The following CDH18 variants were observed in gnomAD, a reference collection of about 807,000 sequenced individuals.
CDH18 encodes the protein cadherin 18.
In CDH18, 31 loss-of-function variants were observed where a neutral mutation model predicts 67.9. The observed-to-expected ratio is 0.46, with a 90% CI of 0.34 to 0.62. CDH18 has a LOEUF of 0.62. CDH18 is among the 20% of genes least tolerant of loss of function. CDH18 has a pLI of 0.01. For missense variants in CDH18, 890 were observed against 975.5 expected, an observed-to-expected ratio of 0.91 and a Z score of 1.17; for synonymous variants, 362 against 347.2, an observed-to-expected ratio of 1.04 and a Z score of -0.48.
chr5:20,305,009 T>C (rs1338092452), intron 1 of CDH18: 2 of 1,613,654 alleles, frequency 1.2e-6, no homozygotes, highest in Admixed American at 1.7e-5. Context: ...CAAGCTTTAC[T>C]GGAAGCAAGG....
At chr5:20,440,449 G>C (rs1749522842) in intron 1 of CDH18, among the ~76,000 whole-genome samples, 1 of 151,804 alleles carries the variant, frequency 6.6e-6, no homozygotes, top group Non-Finnish European at 1.5e-5. Flanking sequence ...ACTTCAAAGA[G>C]TTTGCCTAAA....
At chr5:19,602,733 G>A (rs1003988770) in intron 6 of CDH18, among the ~76,000 whole-genome samples, 1 of 151,982 alleles carries the variant, frequency 6.6e-6, no homozygotes, top group Non-Finnish European at 1.5e-5. Context: ...GGTGGCCAAG[G>A]CAGGTGGATC....
intron 1 of CDH18, among the ~76,000 whole-genome samples, chr5:20,400,095 A>G (rs545475297): frequency 6.6e-6 from 1 of 152,338 alleles, no homozygotes; most frequent in South Asian, 2.1e-4. Context: ...ATTGGTGGTC[A>G]CCATGTTTGA....
intron 2 of CDH18, among the ~76,000 whole-genome samples, chr5:19,918,851 T>C (rs1395559445): frequency 6.6e-6 from 1 of 152,088 alleles, no homozygotes. Flanking sequence ...AAGCGTGTCT[T>C]TTATAATTTA....
intron 2 of CDH18, among the ~76,000 whole-genome samples, chr5:19,877,296 G>A (rs1251229692): frequency 5.3e-5 from 8 of 152,112 alleles, no homozygotes; most frequent in Admixed American, 5.2e-4. Flanking sequence ...GGCAATACTG[G>A]AAAAATCTTC....
intron 5 of CDH18, among the ~76,000 whole-genome samples, chr5:19,684,237 C>T (rs1261524110): frequency 2.0e-5 from 3 of 151,918 alleles, no homozygotes; most frequent in Non-Finnish European, 4.4e-5. Flanking sequence ...CTGCATTTCA[C>T]ACAAATATCT....
chr5:20,236,665 C>T lies in CDH18; in HGVS notation c.-518+18779G>A, dbSNP rs1213308461. On this transcript the variant is annotated intron_variant, in intron 2 of 14. Transcript: ENST00000507958. ...GAAGAAATCAAGGAATTTAACGTCC[C>T]AATATCTATTAAACAAATTGAATTT... Among the ~76,000 whole-genome samples the T allele has an allele frequency of 2.0e-5, 3 of 151,878 alleles. No individual in the cohort carries two copies. In the East Asian group the frequency reaches 5.8e-4, roughly 29 times the overall value.
chr5:19,815,164 T>C (rs1420968363), intron 3 of CDH18, among the ~76,000 whole-genome samples: 1 of 151,972 alleles, frequency 6.6e-6, no homozygotes, highest in Non-Finnish European at 1.5e-5. Flanking sequence ...CTGCATCCAG[T>C]TTGTTGGAGG....
chr5:20,368,950 T>A (rs1209942949), intron 1 of CDH18, among the ~76,000 whole-genome samples: 3 of 152,220 alleles, frequency 2.0e-5, no homozygotes. Flanking sequence ...AAGTCCATAT[T>A]CAGTAAGGAC....
chr5:20,357,447 A>C (rs1741726117), intron 1 of CDH18, among the ~76,000 whole-genome samples: 1 of 152,222 alleles, frequency 6.6e-6, no homozygotes, highest in Non-Finnish European at 1.5e-5. Flanking sequence ...TATCATTATT[A>C]GATAACAAAA....
chr5:20,234,539 C>A (rs184532349), intron 2 of CDH18, among the ~76,000 whole-genome samples: 4 of 152,190 alleles, frequency 2.6e-5, no homozygotes, highest in Admixed American at 2.6e-4. Context: ...TGATGGCCAT[C>A]TGTAAACCAG....
chr5:20,037,704 G>A (rs1450440195), intron 2 of CDH18, among the ~76,000 whole-genome samples: 1 of 152,130 alleles, frequency 6.6e-6, no homozygotes, highest in Non-Finnish European at 1.5e-5. Flanking sequence ...AGCTAAAGCA[G>A]TGTTTAGATG....
At chr5:19,627,592 A>G (rs754966453) in intron 5 of CDH18, among the ~76,000 whole-genome samples, 2 of 152,228 alleles carry the variant, frequency 1.3e-5, no homozygotes, top group Non-Finnish European at 2.9e-5. Flanking sequence ...CAAGAGTAAT[A>G]TATATTCTAT....
Position 20,506,783 on chromosome 5 carries a change from GTTGT to G in CDH18, c.-580+68675_-580+68678del, listed in dbSNP as rs1343310586. Among the ~76,000 whole-genome samples the G allele has an allele frequency of 5.3e-5, 8 of 152,302 alleles. No individual in the cohort carries two copies. In the East Asian group the frequency reaches 7.7e-4, roughly 15 times the overall value. On this transcript the variant is annotated intron_variant, in intron 1 of 14. Coordinates refer to the CDH18 transcript ENST00000507958. ...CTAATTTTTTATTTCTTACCCTAGAGTTGTTTGTCATTTTTTCTACCAAGTGTTG... is the reference window on the plus strand; with the variant it reads ...CTAATTTTTTATTTCTTACCCTAGAGTTGTCATTTTTTCTACCAAGTGTTG...
At chr5:19,961,757 C>T (rs1169429960) in intron 2 of CDH18, among the ~76,000 whole-genome samples, 3 of 151,972 alleles carry the variant, frequency 2.0e-5, no homozygotes, top group Admixed American at 1.3e-4. Flanking sequence ...CGATACATAC[C>T]ATATCCAATA....
chr5:19,960,376 C>T (rs10941554), intron 2 of CDH18, among the ~76,000 whole-genome samples: 64,108 of 151,118 alleles, frequency 0.42, 15,989 homozygotes, highest in Middle Eastern at 0.66. Context: ...ACATGCAAAT[C>T]AGGCCTATGC....
chr5:20,424,346 T>C (rs561851170), intron 1 of CDH18, among the ~76,000 whole-genome samples: 71 of 151,030 alleles, frequency 4.7e-4, no homozygotes, highest in South Asian at 1.5e-3. Context: ...AGCACCATCA[T>C]ATTATCATAC....
chr5:20,018,501 G>T (rs2150427690), intron 2 of CDH18, among the ~76,000 whole-genome samples: 1 of 152,208 alleles, frequency 6.6e-6, no homozygotes, highest in South Asian at 2.1e-4. Flanking sequence ...CTGACACAAA[G>T]TTCATGTACA....
intron 3 of CDH18, among the ~76,000 whole-genome samples, chr5:19,818,241 A>G (rs556425355): frequency 3.9e-5 from 6 of 152,168 alleles, no homozygotes; most frequent in Non-Finnish European, 8.8e-5. Context: ...ACAGGAAGTA[A>G]ATGGATGAGT....
Sources: allele counts gnomAD v4.1 joint callset (sites outside exome capture counted in the v4.1 genomes callset), GRCh38; gene constraint gnomAD v4.1.1; transcripts MANE v1.5; gene names NCBI Gene and HGNC (gene_info 2026-07-23, HGNC 2026-07-21).